SLC16A10: variants seen among roughly 807,000 people sequenced by gnomAD.
SLC16A10 encodes solute carrier family 16 member 10, also known as monocarboxylate transporter 10.
SLC16A10 carries 27 observed loss-of-function variants against 40.0 expected under a neutral mutation model. That is an observed-to-expected ratio of 0.67 (90% CI 0.50 to 0.93). The LOEUF is 0.93. Among genes scored for constraint, SLC16A10 ranks in the 40% least tolerant of loss-of-function variants. The probability of loss-of-function intolerance (pLI) is 0.00; values close to 1 mark genes in which losing one functional copy is unlikely to be tolerated. For missense variants in SLC16A10, 529 were observed against 658.2 expected, an observed-to-expected ratio of 0.80 and a Z score of 2.15; for synonymous variants, 213 against 249.8, an observed-to-expected ratio of 0.85 and a Z score of 1.39.
At chr6:111,144,405 G>A (rs537452831) in intron 1 of SLC16A10, among the ~76,000 whole-genome samples, 39 of 152,168 alleles carry the variant, frequency 2.6e-4, no homozygotes, top group African/African-American at 7.9e-4. Context: ...GGGTTTCACC[G>A]TGTTAGCCAG....
chr6:111,097,977 C>G (rs1771104143), intron 1 of SLC16A10, among the ~76,000 whole-genome samples: 1 of 152,036 alleles, frequency 6.6e-6, no homozygotes, highest in Non-Finnish European at 1.5e-5. Flanking sequence ...TGCAGCTGGG[C>G]GGGGTGGCTC....
intron 1 of SLC16A10, among the ~76,000 whole-genome samples, chr6:111,158,868 G>A (rs1007566229): frequency 5.3e-5 from 8 of 151,828 alleles, no homozygotes; most frequent in Non-Finnish European, 7.4e-5. Context: ...GACAGATCAC[G>A]TGAATCCAGG....
chr6:111,217,908 C>G (rs977526667), intron 4 of SLC16A10, among the ~76,000 whole-genome samples: 2 of 152,072 alleles, frequency 1.3e-5, no homozygotes, highest in Admixed American at 6.5e-5. Context: ...TTTCCATAAC[C>G]CAAGGGTAGG....
intron 1 of SLC16A10, among the ~76,000 whole-genome samples, chr6:111,165,048 T>C (rs541916238): frequency 2.0e-5 from 3 of 152,334 alleles, no homozygotes; most frequent in African/African-American, 7.2e-5. Flanking sequence ...TGCACATATA[T>C]AACTACACAG....
chr6:111,110,383 A>G (rs1287735455), intron 1 of SLC16A10, among the ~76,000 whole-genome samples: 1 of 151,924 alleles, frequency 6.6e-6, no homozygotes, highest in East Asian at 1.9e-4. Flanking sequence ...TAGCTTGAGA[A>G]CTAACTTAAA....
chr6:111,111,055 C>T (rs995199971), intron 1 of SLC16A10, among the ~76,000 whole-genome samples: 2 of 152,054 alleles, frequency 1.3e-5, no homozygotes, highest in African/African-American at 4.8e-5. Flanking sequence ...AAATTACTGC[C>T]AGTTCTGTAC....
At position 111,193,842 on chromosome 6, in the gene SLC16A10, G is replaced by A. The variant is rs552276496; in HGVS notation, c.943-12750G>A. ...ACTTAAATTGAAAAACAGCAGTAGTGTATTTTTGTTAGGCCCTTATATTGG... is the reference window on the plus strand; with the variant it reads ...ACTTAAATTGAAAAACAGCAGTAGTATATTTTTGTTAGGCCCTTATATTGG... On this transcript the variant is annotated intron_variant, in intron 3 of 5. Coordinates refer to ENST00000368851, the MANE Select transcript of SLC16A10 (RefSeq NM_018593.5). Among the ~76,000 whole-genome samples, 4 of 152,294 alleles carry A rather than the reference G, an allele frequency of 2.6e-5. No individual in the cohort carries two copies. In the East Asian group the frequency reaches 7.7e-4, roughly 29 times the overall value.
chr6:111,144,465 A>C (rs1237635810), intron 1 of SLC16A10, among the ~76,000 whole-genome samples: 2 of 152,200 alleles, frequency 1.3e-5, no homozygotes, highest in East Asian at 3.8e-4. Flanking sequence ...AGCCTCCCAA[A>C]GTGCTGGGAT....
rs375369370 is a variant in SLC16A10 at position 111,217,495 on chromosome 6, G to T, written c.1087-1319G>T. ...GACGGAGTCTCGCTCTGTCGCCCAG[G>T]CTGGAGTGCAGTGGCATGATCTCGG... On this transcript the variant is annotated intron_variant, in intron 4 of 5. Transcript: ENST00000368851. Among the ~76,000 whole-genome samples, 3 of 152,300 alleles carry T rather than the reference G, an allele frequency of 2.0e-5. No homozygotes were observed. In the East Asian group the frequency reaches 5.8e-4, roughly 29 times the overall value.
intron 1 of SLC16A10, among the ~76,000 whole-genome samples, chr6:111,169,596 C>T (rs1772544473): frequency 6.6e-6 from 1 of 152,222 alleles, no homozygotes; most frequent in Non-Finnish European, 1.5e-5. Flanking sequence ...TTCCCAGGTT[C>T]CCTGGGGCTG....
intron 1 of SLC16A10, among the ~76,000 whole-genome samples, chr6:111,142,291 G>A (rs1771997005): frequency 6.6e-6 from 1 of 152,186 alleles, no homozygotes; most frequent in African/African-American, 2.4e-5. Flanking sequence ...AACAAATGCT[G>A]TTGGAATAAC....
At chr6:111,192,349 C>A (rs1162772746) in intron 3 of SLC16A10, among the ~76,000 whole-genome samples, 1 of 152,150 alleles carries the variant, frequency 6.6e-6, no homozygotes, top group Non-Finnish European at 1.5e-5. Context: ...CCAACAAATT[C>A]CTCATCTCCA....
intron 1 of SLC16A10, among the ~76,000 whole-genome samples, chr6:111,110,928 C>CT (rs902890757): frequency 5.2e-4 from 77 of 149,412 alleles, no homozygotes; most frequent in Middle Eastern, 3.4e-3. Context: ...CATTTAACAA[C>CT]TTTTTTTTTT....
Position 111,101,015 on chromosome 6 carries a change from T to TAA in SLC16A10, c.343+12921_343+12922insAA, listed in dbSNP as rs1562397281. On this transcript the variant is annotated intron_variant, in intron 1 of 5. Coordinates refer to ENST00000368851, the MANE Select transcript of SLC16A10 (RefSeq NM_018593.5). ...CTCTATATATATATATATATATATA[T>TAA]ATAAATATATGTATATATATTTTTT... Among the ~76,000 whole-genome samples, 7 of 127,852 alleles carry TAA rather than the reference T, an allele frequency of 5.5e-5. No individual in the cohort carries two copies. In the South Asian group the frequency reaches 1.4e-3, roughly 25 times the overall value. 83.9% of individuals were successfully genotyped at this position (127,852 alleles called of 152,430 possible). A position where few individuals can be genotyped will look rare whatever the true frequency, so the allele number is the denominator to read the frequency against.
chr6:111,183,999 T>C (rs77861072), intron 3 of SLC16A10, among the ~76,000 whole-genome samples: 7,322 of 151,330 alleles, frequency 0.048, 572 homozygotes, highest in African/African-American at 0.17. Flanking sequence ...AATATGACAA[T>C]GATAAATGCC....
intron 3 of SLC16A10, among the ~76,000 whole-genome samples, chr6:111,204,871 C>T (rs973312353): frequency 1.3e-5 from 2 of 152,060 alleles, no homozygotes; most frequent in African/African-American, 4.8e-5. Context: ...CCTTTCTCTC[C>T]AATGAACCTG....
intron 1 of SLC16A10, among the ~76,000 whole-genome samples, chr6:111,108,098 C>T (rs1416457489): frequency 6.6e-6 from 1 of 151,810 alleles, no homozygotes; most frequent in East Asian, 1.9e-4. Context: ...TGGCTCACTG[C>T]AACCTCCACC....
intron 3 of SLC16A10, among the ~76,000 whole-genome samples, chr6:111,182,310 CTTTTTTTTTTTT>C (rs372963281): frequency 6.8e-5 from 7 of 103,624 alleles, no homozygotes; most frequent in African/African-American, 1.5e-4. Flanking sequence ...CTCTGGGTTT[CTTTTTTTTTTTT>C]TTTTTTTTTT....
chr6:111,146,469 G>A (rs185380254), intron 1 of SLC16A10, among the ~76,000 whole-genome samples: 245 of 152,228 alleles, frequency 1.6e-3, no homozygotes, highest in Admixed American at 6.3e-3. Flanking sequence ...GGCCGGGCGC[G>A]GTGGCTCAAG....
Sources: gnomAD v4.1 joint callset for allele counts (sites outside exome capture counted in the v4.1 genomes callset) on GRCh38, gnomAD v4.1.1 for gene constraint, MANE v1.5 for transcripts, NCBI Gene and HGNC (gene_info 2026-07-23, HGNC 2026-07-21) for gene names.